IL5: variants seen among roughly 807,000 people sequenced by gnomAD.
IL5 encodes the protein interleukin-5.
In IL5, 12 loss-of-function variants were observed where a neutral mutation model predicts 16.3. The ratio of observed to expected loss-of-function variants is 0.74; its 90% CI spans 0.47 to 1.20. The LOEUF is 1.20. Among genes scored for constraint, IL5 ranks in the 50% most tolerant of loss-of-function variants. IL5 has a pLI of 0.00. For missense variants in IL5, 159 were observed against 153.9 expected (o/e 1.03, Z -0.17); for synonymous variants, 54 against 56.6 (o/e 0.95, Z 0.21).
At chr5:132,556,154 C>G (rs922683955) in intron 1 of IL5, 5 of 152,214 alleles carry the variant, frequency 3.3e-5, no homozygotes, top group African/African-American at 4.8e-5. Context: ...AATTATACCA[C>G]TACAGTAATT....
chr5:132,555,084 G>A (rs1414072458), intron 1 of IL5, among the ~76,000 whole-genome samples: 1 of 152,130 alleles, frequency 6.6e-6, no homozygotes, highest in South Asian at 2.1e-4. Context: ...TTCAAAATAC[G>A]GTTTGTGCTC....
chr5:132,545,781 G>A (rs183104552), upstream of IL5, among the ~76,000 whole-genome samples: 3 of 152,220 alleles, frequency 2.0e-5, no homozygotes, highest in East Asian at 1.9e-4. Context: ...TTAGCCAGGC[G>A]TGGTGGTGTG....
intron 2 of IL5, among the ~76,000 whole-genome samples, chr5:132,542,524 T>A (rs1342914207): frequency 1.3e-5 from 2 of 152,216 alleles, no homozygotes; most frequent in Non-Finnish European, 2.9e-5. Context: ...CATTATACAT[T>A]AAACTCATAT....
At chr5:132,554,721 T>C (rs1417727105) in intron 1 of IL5, among the ~76,000 whole-genome samples, 1 of 152,142 alleles carries the variant, frequency 6.6e-6, no homozygotes, top group African/African-American at 2.4e-5. Flanking sequence ...GAAAGCAGGG[T>C]CCAGAAGTGA....
upstream of IL5, among the ~76,000 whole-genome samples, chr5:132,547,436 A>T (rs992241264): frequency 2.0e-5 from 3 of 152,196 alleles, no homozygotes; most frequent in African/African-American, 7.2e-5. Flanking sequence ...GAAAGACAAA[A>T]TGCCTGACCA....
rs200922450 is a variant in IL5 at position 132,555,854 on chromosome 5, TA to T, written c.42+819del. Among the ~76,000 whole-genome samples the T allele has an allele frequency of 4.5e-3, 689 of 152,268 alleles. 5 individuals carry two copies. Among genetic ancestry groups the T allele is most frequent in the African/African-American group, 0.014 (597 of 41,566 alleles). ...TATGTGTATTTTACAATTTTTAAAA[TA>T]AAAAAAGGTCTTTCGTCTTTTCCCA... On this transcript the variant is annotated intron_variant, in intron 1 of 2. Coordinates refer to the IL5 transcript ENST00000450655.
upstream of IL5, chr5:132,543,527 C>T: frequency 6.4e-7 from 1 of 1,556,352 alleles, no homozygotes; most frequent in Non-Finnish European, 8.7e-7. Flanking sequence ...GTGCATAGTA[C>T]AAGACTGCGT....
upstream of IL5, among the ~76,000 whole-genome samples, chr5:132,547,052 C>T (rs1318472646): frequency 6.6e-6 from 1 of 152,050 alleles, no homozygotes; most frequent in Admixed American, 6.5e-5. Context: ...TTTATTAATG[C>T]AAAACTCCAA....
intron 1 of IL5, among the ~76,000 whole-genome samples, chr5:132,549,016 T>A (rs1178602879): frequency 6.6e-6 from 1 of 152,152 alleles, no homozygotes; most frequent in African/African-American, 2.4e-5. Flanking sequence ...AACCTATTGA[T>A]GACATTAAGT....
chr5:132,544,129 T>C (rs1316258074), upstream of IL5, among the ~76,000 whole-genome samples: 1 of 152,170 alleles, frequency 6.6e-6, no homozygotes, highest in Non-Finnish European at 1.5e-5. Flanking sequence ...TGGAGGCTCT[T>C]TTACATTTTG....
rs1487531482 is a variant in IL5 at position 132,541,667 on chromosome 5, G to A, written c.*144C>T. On this transcript the variant is annotated 3_prime_UTR_variant, in exon 4 of 4. Coordinates refer to ENST00000231454, the MANE Select transcript of IL5 (RefSeq NM_000879.3). ...AGAATTTTATGCTTTCTGGCAAAGT[G>A]TCAGTATGCCTGAAATATTTACTTT... 2 of 534,804 alleles carry A rather than the reference G, an allele frequency of 3.7e-6. No individual in the cohort carries two copies. The highest frequency in any genetic ancestry group is 6.6e-6 in the Non-Finnish European group (2 of 303,500). 33.1% of individuals were successfully genotyped at this position (534,804 alleles called of 1,614,324 possible). A position where few individuals can be genotyped will look rare whatever the true frequency, so the allele number is the denominator to read the frequency against.
intron 2 of IL5, among the ~76,000 whole-genome samples, chr5:132,542,755 A>G (rs1014118492): frequency 2.0e-5 from 3 of 152,188 alleles, no homozygotes; most frequent in African/African-American, 7.2e-5. Context: ...AGTTGCTAAT[A>G]CTTTCAGAAA....
At chr5:132,550,201 AT>A (rs1478469856) in intron 1 of IL5, among the ~76,000 whole-genome samples, 1 of 152,186 alleles carries the variant, frequency 6.6e-6, no homozygotes, top group Non-Finnish European at 1.5e-5. Flanking sequence ...CAATGCTACT[AT>A]AAACACCTGT....
At position 132,542,102 on chromosome 5, in the gene IL5, T is replaced by C. The variant is rs746426150; in HGVS notation, c.219A>G (p.Thr73=). The C allele has an allele frequency of 3.7e-6, 6 of 1,613,464 alleles. No homozygotes were observed. In the South Asian group the frequency reaches 6.6e-5, roughly 18 times the overall value. Residue 73 remains threonine, a synonymous_variant, in exon 3 of 4, where the codon ACA becomes ACG. Transcript: ENST00000231454. The part of the protein sequence containing the change: ...CTEEIFQGIG[T]LESQTVQGGT... ...CCCCTTGCACAGTTTGACTCTCCAGTGTGCCTATTCCCTGAAAGATTTCTT... is the reference window on the plus strand; with the variant it reads ...CCCCTTGCACAGTTTGACTCTCCAGCGTGCCTATTCCCTGAAAGATTTCTT...
chr5:132,541,621 T>G lies in IL5; in HGVS notation c.*190A>C, dbSNP rs1749690714. 4.2e-6 allele frequency: 2 copies of G among 478,220 alleles called. No homozygotes were observed. Among genetic ancestry groups the G allele is most frequent in the Non-Finnish European group, 3.7e-6 (1 of 272,882 alleles). The allele number at this position is 478,220 out of a possible 1,614,324, so 29.6% of individuals were successfully genotyped here. On this transcript the variant is annotated 3_prime_UTR_variant, in exon 4 of 4. Coordinates refer to ENST00000231454, the MANE Select transcript of IL5 (RefSeq NM_000879.3). ...CTGGAGGAAAATACTTCAATGATTC[T>G]GATATCTGAAATATATTTTAAGAAT...
intron 1 of IL5, among the ~76,000 whole-genome samples, chr5:132,551,821 C>T (rs1249010921): frequency 1.3e-5 from 2 of 152,182 alleles, no homozygotes; most frequent in African/African-American, 2.4e-5. Context: ...ATATGTTCTA[C>T]GAACTTGTCT....
chr5:132,551,841 A>G (rs1403653765), intron 1 of IL5, among the ~76,000 whole-genome samples: 1 of 152,182 alleles, frequency 6.6e-6, no homozygotes, highest in Non-Finnish European at 1.5e-5. Flanking sequence ...TCTTGTTTAT[A>G]TCAACTAGGC....
At chr5:132,550,614 G>A (rs1348007581) in intron 1 of IL5, among the ~76,000 whole-genome samples, 2 of 37,662 alleles carry the variant, frequency 5.3e-5, no homozygotes, top group African/African-American at 1.1e-4. Context: ...GAGCCAATGC[G>A]CCTGGCCAGA....
In IL5 at chr5:132,556,559, C is replaced by T. The variant is rs965295096; in HGVS notation, c.42+115G>A. ...CGCAAGAATACACATGCGCACATTCCATTAACCGCCACTGCAATGGCGTCA... is the reference window on the plus strand; with the variant it reads ...CGCAAGAATACACATGCGCACATTCTATTAACCGCCACTGCAATGGCGTCA... On this transcript the variant is annotated intron_variant, in intron 1 of 2. Coordinates refer to the IL5 transcript ENST00000450655. 15 of 466,478 alleles carry T rather than the reference C, an allele frequency of 3.2e-5. No homozygotes were observed. In the South Asian group the frequency reaches 6.2e-4, roughly 19 times the overall value. The allele number at this position is 466,478 out of a possible 1,614,324, so 28.9% of individuals were successfully genotyped here.
Sources: allele counts gnomAD v4.1 joint callset (sites outside exome capture counted in the v4.1 genomes callset), GRCh38; gene constraint gnomAD v4.1.1; transcripts MANE v1.5; gene names NCBI Gene and HGNC (gene_info 2026-07-23, HGNC 2026-07-21).